Variants in CALD1 observed in about 807,000 individuals in gnomAD.
CALD1 encodes caldesmon 1.
In CALD1, 33 loss-of-function variants were observed where a neutral mutation model predicts 99.9. The ratio of observed to expected loss-of-function variants is 0.33; its 90% CI spans 0.25 to 0.44. The LOEUF (loss-of-function observed/expected upper bound fraction) is 0.44, where lower values mean the gene tolerates loss of function less well. CALD1 is among the 20% of genes least tolerant of loss of function. The pLI, the probability that CALD1 is intolerant of heterozygous loss-of-function variation, is 1.00. For missense variants in CALD1, 861 were observed against 962.1 expected, an observed-to-expected ratio of 0.89 and a Z score of 1.39; for synonymous variants, 310 against 325.0, an observed-to-expected ratio of 0.95 and a Z score of 0.50.
chr7:134,723,929 G>T, the CALD1 span, among the ~76,000 whole-genome samples: 1 of 152,158 alleles, frequency 6.6e-6, no homozygotes, highest in African/African-American at 2.4e-5. Context: ...GATAGAGGAG[G>T]CGTTCAATGG....
At chr7:134,763,400 G>T (rs1796796147) in intron 1 of CALD1, among the ~76,000 whole-genome samples, 1 of 152,192 alleles carries the variant, frequency 6.6e-6, no homozygotes, top group Non-Finnish European at 1.5e-5. Flanking sequence ...TTAGGGAGAA[G>T]AAGTTCTTCA....
At chr7:134,891,403 G>T in intron 3 of CALD1, 1 of 1,271,208 alleles carries the variant, frequency 7.9e-7, no homozygotes, top group South Asian at 3.3e-5. Context: ...AGGAGGGAAC[G>T]GGTTGGGAGG....
intron 1 of CALD1, among the ~76,000 whole-genome samples, chr7:134,764,376 G>A (rs930590759): frequency 7.9e-5 from 12 of 151,982 alleles, no homozygotes; most frequent in African/African-American, 2.7e-4. Flanking sequence ...GAGAAAAAGA[G>A]AAAAAAAGAG....
the CALD1 span, among the ~76,000 whole-genome samples, chr7:134,720,293 G>A: frequency 4.0e-5 from 6 of 150,528 alleles, no homozygotes; most frequent in African/African-American, 1.2e-4. Context: ...TTGTTCTGAT[G>A]CATCCTTCTA....
At chr7:134,792,166 T>C (rs997372469) in intron 1 of CALD1, among the ~76,000 whole-genome samples, 3 of 152,196 alleles carry the variant, frequency 2.0e-5, no homozygotes, top group Non-Finnish European at 4.4e-5. Flanking sequence ...CAGGGTTGGT[T>C]CCTTCAAGGG....
chr7:134,728,554 C>T, the CALD1 span, among the ~76,000 whole-genome samples: 69 of 152,100 alleles, frequency 4.5e-4, no homozygotes, highest in South Asian at 1.2e-3. Flanking sequence ...ACATTTAGGC[C>T]GAACTTAAAA....
intron 1 of CALD1, among the ~76,000 whole-genome samples, chr7:134,752,227 A>G (rs563713439): frequency 1.3e-5 from 2 of 152,330 alleles, no homozygotes; most frequent in East Asian, 3.9e-4. Flanking sequence ...TGCTTATTTC[A>G]TATAGGCTAA....
At chr7:134,808,739 T>C (rs1192329324) in intron 1 of CALD1, among the ~76,000 whole-genome samples, 1 of 152,252 alleles carries the variant, frequency 6.6e-6, no homozygotes, top group Non-Finnish European at 1.5e-5. Context: ...TTTGCAGACC[T>C]TCAGGATTTA....
At chr7:134,854,263 T>C (rs1004800838) in intron 2 of CALD1, among the ~76,000 whole-genome samples, 2 of 152,184 alleles carry the variant, frequency 1.3e-5, no homozygotes, top group African/African-American at 4.8e-5. Flanking sequence ...GTATTTCTAG[T>C]TCTAGATCCT....
In CALD1 at chr7:134,783,685, C is replaced by T. The variant is rs1050120359; in HGVS notation, c.-130+3936C>T. On this transcript the variant is annotated intron_variant, in intron 1 of 14. Coordinates refer to ENST00000361675, the MANE Select transcript of CALD1 (RefSeq NM_033138.4). The surrounding 1 kb of genome is among the most constrained non-coding windows in gnomAD (Gnocchi z 4.3). ...GATAAAAACTGTGAACCCTTAAGGTCCCTTTGTAAACCCACGCTTCATGAT... is the reference window on the plus strand; with the variant it reads ...GATAAAAACTGTGAACCCTTAAGGTTCCTTTGTAAACCCACGCTTCATGAT... Among the ~76,000 whole-genome samples, 1 of 152,086 alleles carries T rather than the reference C, an allele frequency of 6.6e-6. No individual in the cohort carries two copies. Among genetic ancestry groups the T allele is most frequent in the Non-Finnish European group, 1.5e-5 (1 of 68,024 alleles).
the CALD1 span, among the ~76,000 whole-genome samples, chr7:134,719,981 C>T: frequency 1.4e-5 from 2 of 142,256 alleles, no homozygotes; most frequent in Non-Finnish European, 3.0e-5. Flanking sequence ...CTACACAGAT[C>T]CTTCAAAAGA....
chr7:134,895,032 G>A (rs185406893), intron 3 of CALD1, among the ~76,000 whole-genome samples: 6 of 151,890 alleles, frequency 4.0e-5, no homozygotes, highest in Non-Finnish European at 5.9e-5. Flanking sequence ...TCAAGGAAAC[G>A]TAGGAAATTA....
At chr7:134,781,490 T>C (rs1797102545) in intron 1 of CALD1, among the ~76,000 whole-genome samples, 1 of 152,136 alleles carries the variant, frequency 6.6e-6, no homozygotes, top group African/African-American at 2.4e-5. Context: ...TAGGTAGAGA[T>C]AGAGTGAGAG....
the CALD1 span, among the ~76,000 whole-genome samples, chr7:134,711,660 C>CTCTCTCTCTCTCTCTA: frequency 1.1e-4 from 9 of 78,350 alleles, no homozygotes; most frequent in African/African-American, 4.9e-4. Context: ...CTCTCTCTCT[C>CTCTCTCTCTCTCTCTA]TATATATATA....
At chr7:134,744,039 C>G (rs1796613349), upstream of CALD1, among the ~76,000 whole-genome samples, 1 of 152,178 alleles carries the variant, frequency 6.6e-6, no homozygotes, top group Admixed American at 6.5e-5. Context: ...GTCTGGATGA[C>G]AGCGGACCCC....
At chr7:134,820,499 C>T (rs1423076549) in intron 1 of CALD1, among the ~76,000 whole-genome samples, 2 of 152,160 alleles carry the variant, frequency 1.3e-5, no homozygotes, top group Non-Finnish European at 2.9e-5. Flanking sequence ...CTTATCCAGA[C>T]AGCATTATAA....
At chr7:134,963,768 A>G (rs1007243164) in intron 13 of CALD1, among the ~76,000 whole-genome samples, 5 of 152,170 alleles carry the variant, frequency 3.3e-5, no homozygotes, top group Admixed American at 3.3e-4. Flanking sequence ...ACATGTCATC[A>G]ACTGTCAACT....
chr7:134,745,864 T>G (rs1391307054), intron 1 of CALD1, among the ~76,000 whole-genome samples: 1 of 152,246 alleles, frequency 6.6e-6, no homozygotes, highest in East Asian at 1.9e-4. Context: ...CTTGTTCTTT[T>G]TGCTGAGCAT....
chr7:134,893,791 G>C (rs149982189), intron 3 of CALD1, among the ~76,000 whole-genome samples: 22 of 152,244 alleles, frequency 1.4e-4, no homozygotes, highest in Non-Finnish European at 2.5e-4. Flanking sequence ...CATTTTAGGA[G>C]GTTTACTTGC....
Sources: allele counts gnomAD v4.1 joint callset (sites outside exome capture counted in the v4.1 genomes callset), GRCh38; gene constraint gnomAD v4.1.1; non-coding constraint Gnocchi (gnomAD v3.1); transcripts MANE v1.5; gene names NCBI Gene and HGNC (gene_info 2026-07-23, HGNC 2026-07-21).